NEK1: variants seen among roughly 807,000 people sequenced by gnomAD.
NEK1 encodes NIMA related kinase 1, also known as serine/threonine-protein kinase Nek1.
In NEK1, 137 loss-of-function variants were observed where a neutral mutation model predicts 182.1. The ratio of observed to expected loss-of-function variants is 0.75; its 90% CI spans 0.65 to 0.87. The LOEUF (loss-of-function observed/expected upper bound fraction) is 0.87, where lower values mean the gene tolerates loss of function less well. Ranked by LOEUF, NEK1 falls within the 40% of genes least tolerant of loss-of-function variation. The pLI, the probability that NEK1 is intolerant of heterozygous loss-of-function variation, is 0.00. For missense variants in NEK1, 1,391 were observed against 1,494.4 expected (o/e 0.93, Z 1.14); for synonymous variants, 513 against 492.2 (o/e 1.04, Z -0.56).
chr4:169,555,579 A>G (rs967136296), intron 18 of NEK1, 141 bp downstream of exon 18: 4 of 1,085,086 alleles, frequency 3.7e-6, no homozygotes, highest in African/African-American at 1.5e-5. Flanking sequence ...TTTGCACCTC[A>G]GAAAATTATT....
In NEK1 at chr4:169,535,457, G is replaced by GA. The variant is rs984520995; in HGVS notation, c.1665+2351dup. On this transcript the variant is annotated intron_variant, in intron 19 of 35. Coordinates refer to ENST00000507142, the MANE Select transcript of NEK1 (RefSeq NM_001199397.3). ...AACAACCCAAAATGAAACACACAGA[G>GA]AAAAAAAAAAAGACTGAACAAAATA... is the stretch of plus-strand genomic sequence containing the variant. Among the ~76,000 whole-genome samples, 410 of 141,318 alleles carry GA rather than the reference G, an allele frequency of 2.9e-3. 1 individual carries two copies. The highest frequency in any genetic ancestry group is 9.1e-3 in the African/African-American group (352 of 38,548). The allele number at this position is 141,318 out of a possible 152,430, so 92.7% of individuals were successfully genotyped here.
At chr4:169,480,566 T>C (rs1443317996) in intron 23 of NEK1, among the ~76,000 whole-genome samples, 1 of 150,604 alleles carries the variant, frequency 6.6e-6, no homozygotes, top group Non-Finnish European at 1.5e-5. Context: ...TGAATTGTAA[T>C]TATTTTGCTG....
chr4:169,468,615 G>C (rs540936997), intron 26 of NEK1, among the ~76,000 whole-genome samples: 1 of 152,316 alleles, frequency 6.6e-6, no homozygotes, highest in East Asian at 1.9e-4. Flanking sequence ...TTTGCTATCA[G>C]GATGATGCTG....
chr4:169,461,486 A>C (rs1579860233), intron 27 of NEK1, among the ~76,000 whole-genome samples: 2 of 152,156 alleles, frequency 1.3e-5, no homozygotes, highest in Admixed American at 6.6e-5. Flanking sequence ...TGTTATCATT[A>C]ATAAAGGCAT....
At chr4:169,532,011 T>G (rs147781743) in intron 19 of NEK1, among the ~76,000 whole-genome samples, 1 of 152,274 alleles carries the variant, frequency 6.6e-6, no homozygotes, top group East Asian at 1.9e-4. Flanking sequence ...TACTGTATGA[T>G]TCATAATTTT....
At chr4:169,568,186 AC>A (rs1764032346) in intron 12 of NEK1, among the ~76,000 whole-genome samples, 1 of 152,210 alleles carries the variant, frequency 6.6e-6, no homozygotes, top group Non-Finnish European at 1.5e-5. Flanking sequence ...TGTATTCCTT[AC>A]AGACATAATG....
chr4:169,424,448 G>T, intron 31 of NEK1, 105 bp downstream of exon 31: 1 of 1,280,078 alleles, frequency 7.8e-7, no homozygotes, highest in Non-Finnish European at 1.0e-6. Flanking sequence ...ATGTGTGTTT[G>T]TGTCTGTGTT....
Position 169,438,275 on chromosome 4 carries a change from A to G in NEK1, c.2588-16T>C. On this transcript the variant is annotated splice_polypyrimidine_tract_variant and intron_variant, in intron 27 of 35. Transcript: ENST00000507142. The stretch of plus-strand genomic sequence containing the variant: ...GGAGAAATCTCTGTGAAAACAAAAA[A>G]TAAAAAATCATGCTAGTTCTCAAAA... 1 of 1,515,596 alleles carries G rather than the reference A, an allele frequency of 6.6e-7. No individual in the cohort carries two copies. Among genetic ancestry groups the G allele is most frequent in the Non-Finnish European group, 8.9e-7 (1 of 1,128,128 alleles). The allele number at this position is 1,515,596 out of a possible 1,614,324, so 93.9% of individuals were successfully genotyped here.
intron 29 of NEK1, among the ~76,000 whole-genome samples, chr4:169,428,580 A>C (rs1421092926): frequency 6.6e-6 from 1 of 151,708 alleles, no homozygotes; most frequent in Non-Finnish European, 1.5e-5. Context: ...GAGGGAAAAA[A>C]CGGGGGATGA....
chr4:169,471,116 C>A (rs1745877979), intron 26 of NEK1, among the ~76,000 whole-genome samples: 1 of 152,220 alleles, frequency 6.6e-6, no homozygotes, highest in Non-Finnish European at 1.5e-5. Flanking sequence ...CTGAAGCCTA[C>A]TTCTGTCAAT....
chr4:169,470,865 T>C (rs1745826481), intron 26 of NEK1, among the ~76,000 whole-genome samples: 1 of 152,230 alleles, frequency 6.6e-6, no homozygotes, highest in South Asian at 2.1e-4. Flanking sequence ...CTTTATTTCA[T>C]TAGGTTGATC....
At chr4:169,498,990 T>C (rs1055318644) in intron 23 of NEK1, among the ~76,000 whole-genome samples, 1 of 152,240 alleles carries the variant, frequency 6.6e-6, no homozygotes, top group East Asian at 1.9e-4. Flanking sequence ...GATAATATAC[T>C]GCAGAGTGTT....
intron 18 of NEK1, among the ~76,000 whole-genome samples, chr4:169,538,935 T>C (rs558444411): frequency 6.6e-6 from 1 of 152,278 alleles, no homozygotes; most frequent in African/African-American, 2.4e-5. Flanking sequence ...ATATTTGAAA[T>C]ATGAAACTAA....
At chr4:169,503,973 C>T (rs1176956215) in intron 23 of NEK1, among the ~76,000 whole-genome samples, 2 of 152,062 alleles carry the variant, frequency 1.3e-5, no homozygotes, top group Non-Finnish European at 2.9e-5. Context: ...CCGCAAACTA[C>T]CCATCTGACA....
chr4:169,609,450 AC>A (rs1306603484), intron 2 of NEK1, among the ~76,000 whole-genome samples: 1 of 152,228 alleles, frequency 6.6e-6, no homozygotes, highest in Non-Finnish European at 1.5e-5. Context: ...TCATTCACAT[AC>A]AGTCAACACA....
At chr4:169,518,341 C>T (rs934089391) in intron 19 of NEK1, among the ~76,000 whole-genome samples, 10 of 106,066 alleles carry the variant, frequency 9.4e-5, no homozygotes, top group Non-Finnish European at 1.4e-4. Flanking sequence ...TCTGTGGGAT[C>T]GGTGGTGATA....
rs1383075166 is a variant in NEK1, at chr4:169,590,713, C to G, written c.396+13G>C. 1 of 1,559,306 alleles carries G rather than the reference C, an allele frequency of 6.4e-7. No homozygotes were observed. Among genetic ancestry groups the G allele is most frequent in the Admixed American group, 1.9e-5 (1 of 53,732 alleles). On this transcript the variant is annotated intron_variant, in intron 6 of 35. Coordinates refer to ENST00000507142, the MANE Select transcript of NEK1 (RefSeq NM_001199397.3). ...TTATCCATTCAGAAGTTATCAGTGA[C>G]AGAATAACATACCTGAGATTTAATG...
At chr4:169,492,781 G>A (rs1750353361) in intron 23 of NEK1, among the ~76,000 whole-genome samples, 1 of 152,138 alleles carries the variant, frequency 6.6e-6, no homozygotes, top group South Asian at 2.1e-4. Context: ...CAGGGAGTTT[G>A]GGGTCTCCCA....
In NEK1 at chr4:169,561,730, C is replaced by T. The variant is rs1463711198; in HGVS notation, c.1148G>A (p.Ser383Asn). The change falls in exon 15 of 36, where the codon AGT (serine) becomes AAT (asparagine). Residue 383 changes from serine (S) to asparagine (N), a missense_variant. Around this residue, in one of 5 missense-constraint regions of NEK1, gnomAD observed 1,216 missense variants for 1,277.6 expected, o/e 0.95. Coordinates refer to ENST00000507142, the MANE Select transcript of NEK1 (RefSeq NM_001199397.3). ...TTTCATTTGTTCAGCCTTCATTAAACTAATAATCTGTAACAATTTTAAAGA... is the reference window on the plus strand; with the variant it reads ...TTTCATTTGTTCAGCCTTCATTAAATTAATAATCTGTAACAATTTTAAAGA... ...KEKKQKDQII[S>N]LMKAEQMKRQ... is the part of the protein sequence containing the mutation. 1.3e-6 allele frequency: 2 copies of T among 1,577,458 alleles called. No homozygotes were observed. Among genetic ancestry groups the T allele is most frequent in the Non-Finnish European group, 1.7e-6 (2 of 1,159,706 alleles).
Sources: allele counts gnomAD v4.1 joint callset (sites outside exome capture counted in the v4.1 genomes callset), GRCh38; gene constraint gnomAD v4.1.1; regional missense constraint gnomAD v4.1.1; transcripts MANE v1.5; gene names NCBI Gene and HGNC (gene_info 2026-07-23, HGNC 2026-07-21).